The following GPHN variants were observed in gnomAD, a reference collection of about 807,000 sequenced individuals.
GPHN encodes the protein gephyrin.
In GPHN, 17 loss-of-function variants were observed where a neutral mutation model predicts 95.5. The ratio of observed to expected loss-of-function variants is 0.18; its 90% CI spans 0.12 to 0.27. The LOEUF (loss-of-function observed/expected upper bound fraction) is 0.27. Among genes scored for constraint, GPHN ranks in the 10% least tolerant of loss-of-function variants. The probability of loss-of-function intolerance (pLI) is 1.00; values close to 1 mark genes in which losing one functional copy is unlikely to be tolerated. For missense variants in GPHN, 660 were observed against 978.1 expected, an observed-to-expected ratio of 0.67 and a Z score of 4.34; for synonymous variants, 320 against 322.5, an observed-to-expected ratio of 0.99 and a Z score of 0.08.
chr14:67,594,179 A>T, the GPHN span, among the ~76,000 whole-genome samples: 2 of 152,174 alleles, frequency 1.3e-5, no homozygotes, highest in Non-Finnish European at 2.9e-5. Context: ...TTCTTCCAAA[A>T]TTCCAACTTT....
At chr14:67,003,081 C>G (rs1199315261) in intron 9 of GPHN, among the ~76,000 whole-genome samples, 1 of 151,532 alleles carries the variant, frequency 6.6e-6, no homozygotes, top group East Asian at 1.9e-4. Flanking sequence ...ACTATCTTCT[C>G]CAGTTTTTCA....
At chr14:67,554,483 A>G in the GPHN span, among the ~76,000 whole-genome samples, 1 of 152,096 alleles carries the variant, frequency 6.6e-6, no homozygotes, top group African/African-American at 2.4e-5. Flanking sequence ...TGGGACATGT[A>G]TGATGCATAT....
the GPHN span, among the ~76,000 whole-genome samples, chr14:67,207,103 T>C: frequency 9.2e-5 from 14 of 152,178 alleles, no homozygotes; most frequent in Non-Finnish European, 1.8e-4. Flanking sequence ...AGGAAGAAAA[T>C]TATTACATCA....
At chr14:67,582,318 G>T in the GPHN span, 1 of 1,566,248 alleles carries the variant, frequency 6.4e-7, no homozygotes. This position sits in a 1 kb window ranked among gnomAD's most constrained non-coding sequence, Gnocchi z 5.0. Flanking sequence ...GTGCTCAGGA[G>T]AGGGCAGCTT....
intron 2 of GPHN, among the ~76,000 whole-genome samples, chr14:66,764,155 A>AC: frequency 6.6e-6 from 1 of 152,078 alleles, no homozygotes; most frequent in Non-Finnish European, 1.5e-5. Context: ...CATGCCCCCA[A>AC]CCCCCCAATC....
chr14:67,117,248 G>C (rs561154610), intron 16 of GPHN, among the ~76,000 whole-genome samples: 1 of 152,312 alleles, frequency 6.6e-6, no homozygotes, highest in South Asian at 2.1e-4. Context: ...TTGGGCACTT[G>C]ATAATTCCAT....
the GPHN span, among the ~76,000 whole-genome samples, chr14:67,713,630 T>C: frequency 3.9e-5 from 6 of 152,198 alleles, no homozygotes; most frequent in Non-Finnish European, 8.8e-5. Context: ...GTTAACAAAA[T>C]GTAAACCCAG....
chr14:66,769,065 AT>A (rs1320454089), intron 2 of GPHN, among the ~76,000 whole-genome samples: 10 of 152,126 alleles, frequency 6.6e-5, no homozygotes, highest in African/African-American at 2.4e-4. Context: ...TTTAATAAGT[AT>A]ACTGAAGTGG....
chr14:67,281,224 ACAT>A, the GPHN span, among the ~76,000 whole-genome samples: 1 of 151,966 alleles, frequency 6.6e-6, no homozygotes, highest in Admixed American at 6.6e-5. Context: ...CTACTACATC[ACAT>A]CATCTTCTTT....
the GPHN span, among the ~76,000 whole-genome samples, chr14:67,399,348 G>T: frequency 6.6e-6 from 1 of 151,022 alleles, no homozygotes; most frequent in African/African-American, 2.4e-5. Context: ...AAAGAGAAGG[G>T]TAGTTTAGGT....
the GPHN span, among the ~76,000 whole-genome samples, chr14:67,411,136 CAAAAAAA>C: frequency 5.8e-5 from 3 of 52,072 alleles, no homozygotes; most frequent in Non-Finnish European, 1.2e-4. Flanking sequence ...GACCCTGTCT[CAAAAAAA>C]AAAAAAAAAA....
the GPHN span, among the ~76,000 whole-genome samples, chr14:67,576,800 G>T: frequency 6.6e-6 from 1 of 152,192 alleles, no homozygotes; most frequent in Non-Finnish European, 1.5e-5. The surrounding 1 kb of genome is among the most constrained non-coding windows in gnomAD (Gnocchi z 4.0). Context: ...GAGGAAAGAA[G>T]GTAGCTGGTT....
the GPHN span, among the ~76,000 whole-genome samples, chr14:67,201,203 A>G: frequency 3.3e-5 from 5 of 152,170 alleles, no homozygotes; most frequent in Non-Finnish European, 4.4e-5. Context: ...CTGAGGAGGG[A>G]GGATTGCTTA....
the GPHN span, among the ~76,000 whole-genome samples, chr14:67,295,984 T>C: frequency 6.6e-6 from 1 of 152,034 alleles, no homozygotes; most frequent in Admixed American, 6.5e-5. Flanking sequence ...GCATTAGGCT[T>C]TTGCTGTGGA....
chr14:66,571,791 A>C (rs1164308133), intron 1 of GPHN, among the ~76,000 whole-genome samples: 2 of 152,196 alleles, frequency 1.3e-5, no homozygotes, highest in Non-Finnish European at 2.9e-5. Flanking sequence ...AGTCTGGGCA[A>C]CAGAGCAAGA....
Position 66,954,672 on chromosome 14 carries a change from T to G in GPHN, c.829-10519T>G, listed in dbSNP as rs1470399097. Among the ~76,000 whole-genome samples the G allele has an allele frequency of 2.6e-5, 4 of 152,322 alleles. No homozygotes were observed. In the South Asian group the frequency reaches 6.2e-4, roughly 24 times the overall value. Reference sequence around the variant, plus strand: ...CTTTGAGTACAATGTTAAGTAGAATTGGCCTGAGTAGACATCCTTTTTCCT... The same window carrying G: ...CTTTGAGTACAATGTTAAGTAGAATGGGCCTGAGTAGACATCCTTTTTCCT... On this transcript the variant is annotated intron_variant, in intron 8 of 22. Coordinates refer to ENST00000478722, the MANE Select transcript of GPHN (RefSeq NM_020806.5).
At chr14:67,081,686 A>G (rs2076703779) in intron 11 of GPHN, among the ~76,000 whole-genome samples, 1 of 152,156 alleles carries the variant, frequency 6.6e-6, no homozygotes, top group Admixed American at 6.5e-5. Context: ...GCCAATGTCT[A>G]GAAGGGTTTT....
intron 1 of GPHN, among the ~76,000 whole-genome samples, chr14:66,598,847 A>G (rs2062096262): frequency 6.6e-6 from 1 of 152,016 alleles, no homozygotes. Flanking sequence ...TCAAAAAAAA[A>G]AAAAAAAAGG....
the GPHN span, chr14:67,387,582 GT>G: frequency 2.3e-5 from 23 of 1,010,462 alleles, no homozygotes; most frequent in African/African-American, 3.4e-5. Context: ...TAAATAAAAG[GT>G]TTACAGTTAG....
Sources: allele counts gnomAD v4.1 joint callset (sites outside exome capture counted in the v4.1 genomes callset), GRCh38; gene constraint gnomAD v4.1.1; non-coding constraint Gnocchi (gnomAD v3.1); transcripts MANE v1.5; gene names NCBI Gene and HGNC (gene_info 2026-07-23, HGNC 2026-07-21).